The following FAM186B variants were observed in gnomAD, a reference collection of about 807,000 sequenced individuals.
The protein encoded by FAM186B is family with sequence similarity 186 member B.
Under a neutral mutation model 83.4 loss-of-function variants are expected in FAM186B, and 68 were observed. The ratio of observed to expected loss-of-function variants is 0.81; its 90% confidence interval spans 0.67 to 1.00. The LOEUF (loss-of-function observed/expected upper bound fraction) is 1.00. FAM186B is among the 50% of genes least tolerant of loss of function. FAM186B has a pLI of 0.00. For missense variants in FAM186B, 983 were observed against 1,099.2 expected (o/e 0.89, Z 1.49); for synonymous variants, 389 against 422.0 (o/e 0.92, Z 0.96).
intron 5 of FAM186B, among the ~76,000 whole-genome samples, chr12:49,596,298 C>T (rs566542160): frequency 2.5e-4 from 33 of 132,920 alleles, no homozygotes; most frequent in Admixed American, 2.2e-3. Flanking sequence ...AGACTAGCCT[C>T]GGCAATATAG....
the FAM186B span, among the ~76,000 whole-genome samples, chr12:49,620,126 G>T: frequency 6.6e-6 from 1 of 152,108 alleles, no homozygotes; most frequent in Non-Finnish European, 1.5e-5. Flanking sequence ...TACTAACTAG[G>T]TCATTCAGGG....
downstream of FAM186B, among the ~76,000 whole-genome samples, chr12:49,586,133 G>A (rs1939438468): frequency 6.6e-6 from 1 of 152,192 alleles, no homozygotes; most frequent in South Asian, 2.1e-4. Context: ...TTGAAAGCAG[G>A]AAGAAAATTG....
intron 3 of FAM186B, among the ~76,000 whole-genome samples, chr12:49,602,717 C>T (rs544267198): frequency 5.3e-5 from 8 of 152,132 alleles, no homozygotes; most frequent in African/African-American, 1.2e-4. Context: ...TGTATGAGTT[C>T]GATAATATCA....
chr12:49,600,606 T>C lies in FAM186B; in HGVS notation c.1034A>G (p.Glu345Gly), dbSNP rs760144535. The part of the protein sequence containing the change: ...SVDSPGPSER[E>G]TLPRKETVME... ...GACTGTTTCTTTCCTTGGGAGGGTC[T>C]CTCTCTCAGAGGGACCTGGGGAGTC... Residue 345 changes from glutamate (E) to glycine (G), a missense_variant, in exon 4 of 7, where the codon GAG becomes GGG. By Grantham distance (98) the Glu-to-Gly change is moderately conservative. Coordinates refer to ENST00000257894, the MANE Select transcript of FAM186B (RefSeq NM_032130.3). The surrounding 1 kb of genome is among the most constrained non-coding windows in gnomAD (Gnocchi z 4.3). 2 of 1,612,336 alleles carry C rather than the reference T, an allele frequency of 1.2e-6. No individual in the cohort carries two copies. The highest frequency in any genetic ancestry group is 1.7e-6 in the Non-Finnish European group (2 of 1,179,020).
intron 2 of FAM186B, 73 bp downstream of exon 2, chr12:49,604,240 C>T (rs1939959384): frequency 8.5e-7 from 1 of 1,175,656 alleles, no homozygotes; most frequent in African/African-American, 1.5e-5. Context: ...GGGGATGTGT[C>T]CTGTGCTGTC....
Position 49,599,911 on chromosome 12 carries a change from C to T in FAM186B, c.1729G>A (p.Val577Met), listed in dbSNP as rs371259662. 323 of 1,612,936 alleles carry T rather than the reference C, an allele frequency of 2.0e-4. No individual in the cohort carries two copies. The highest frequency in any genetic ancestry group is 2.5e-4 in the Non-Finnish European group (292 of 1,179,470). Residue 577 changes from valine (V) to methionine (M), a missense_variant, in exon 4 of 7, where the codon GTG becomes ATG. Coordinates refer to ENST00000257894, the MANE Select transcript of FAM186B (RefSeq NM_032130.3). The stretch of plus-strand genomic sequence containing the variant: ...GATTGGGTCCGGCTTGGGGCAGGCA[C>T]TAATGATAGCTCTGCCTTCTCCAAG... ...RDLEKAELSL[V>M]PAPSRTQSAH... is the part of the protein sequence containing the mutation.
chr12:49,620,256 C>A, the FAM186B span, among the ~76,000 whole-genome samples: 7 of 152,200 alleles, frequency 4.6e-5, no homozygotes, highest in African/African-American at 1.7e-4. Context: ...CTGAAGTACT[C>A]CTAGTTTGCT....
At chr12:49,621,363 C>A in the FAM186B span, among the ~76,000 whole-genome samples, 1 of 152,250 alleles carries the variant, frequency 6.6e-6, no homozygotes, top group Non-Finnish European at 1.5e-5. Context: ...AAGAGCGAGA[C>A]TCTGTCTCAA....
upstream of FAM186B, among the ~76,000 whole-genome samples, chr12:49,606,964 T>A (rs1477793148): frequency 6.6e-6 from 1 of 152,140 alleles, no homozygotes; most frequent in African/African-American, 2.4e-5. Flanking sequence ...AATCAATAAT[T>A]GAGAGATCTT....
chr12:49,622,608 G>A, the FAM186B span: 4 of 152,392 alleles, frequency 2.6e-5, no homozygotes, highest in Admixed American at 2.0e-4. Context: ...CAGCCCACAA[G>A]GGTGAATCCC....
At position 49,600,905 on chromosome 12, in the gene FAM186B, C is replaced by G; in HGVS notation, c.735G>C (p.Lys245Asn). 6.2e-7 allele frequency: 1 copy of G among 1,614,156 alleles called. No individual in the cohort carries two copies. The highest frequency in any genetic ancestry group is 8.5e-7 in the Non-Finnish European group (1 of 1,180,030). Residue 245 changes from lysine to asparagine, a missense_variant, in exon 4 of 7, where the codon AAG becomes AAC. By Grantham distance (94) the Lys-to-Asn change is moderately conservative. Coordinates refer to ENST00000257894, the MANE Select transcript of FAM186B (RefSeq NM_032130.3). The surrounding 1 kb of genome is among the most constrained non-coding windows in gnomAD (Gnocchi z 4.3). ...YMATVVENLN[K>N]ALILQHKENR... ...TCTCCTTGTGTTGGAGGATCAAGGC[C>G]TTGTTGAGGTTCTCCACCACAGTGG...
upstream of FAM186B, among the ~76,000 whole-genome samples, chr12:49,610,174 G>T (rs550702654): frequency 6.7e-6 from 1 of 149,976 alleles, no homozygotes; most frequent in African/African-American, 2.4e-5. Flanking sequence ...TATAGGGAAA[G>T]AAATAAAAAG....
chr12:49,597,262 G>A (rs1019602251), intron 5 of FAM186B, among the ~76,000 whole-genome samples: 2 of 152,186 alleles, frequency 1.3e-5, no homozygotes, highest in Non-Finnish European at 2.9e-5. Context: ...TGTATATACA[G>A]TGGAATATTA....
chr12:49,617,318 G>A, the FAM186B span, among the ~76,000 whole-genome samples: 1 of 152,232 alleles, frequency 6.6e-6, no homozygotes, highest in Non-Finnish European at 1.5e-5. Flanking sequence ...GCCAGGGCAG[G>A]CAGACGGCTC....
upstream of FAM186B, among the ~76,000 whole-genome samples, chr12:49,607,058 T>C (rs539080393): frequency 6.6e-6 from 1 of 152,262 alleles, no homozygotes; most frequent in East Asian, 1.9e-4. Flanking sequence ...GGGAAAGTTA[T>C]GAAATACTTT....
intron 5 of FAM186B, 44 bp downstream of exon 5, chr12:49,598,711 C>A (rs776229713): frequency 1.4e-5 from 22 of 1,566,698 alleles, no homozygotes; most frequent in Non-Finnish European, 1.9e-5. Context: ...GCTGTGCTGA[C>A]CCCAGGAGGC....
At chr12:49,612,535 G>GT in the FAM186B span, among the ~76,000 whole-genome samples, 265 of 137,066 alleles carry the variant, frequency 1.9e-3, no homozygotes, top group African/African-American at 4.0e-3. Flanking sequence ...TTTTATGTGT[G>GT]TTTTTTTTTT....
chr12:49,612,167 G>A, the FAM186B span, among the ~76,000 whole-genome samples: 1 of 152,090 alleles, frequency 6.6e-6, no homozygotes, highest in African/African-American at 2.4e-5. Flanking sequence ...AGTCTAAACG[G>A]CCCACTTAAA....
At chr12:49,606,486 G>GAT (rs755611822), upstream of FAM186B, among the ~76,000 whole-genome samples, 6 of 135,994 alleles carry the variant, frequency 4.4e-5, no homozygotes, top group African/African-American at 1.7e-4. Flanking sequence ...TAGATACCCT[G>GAT]ACACACACAC....
Sources: allele counts gnomAD v4.1 joint callset (sites outside exome capture counted in the v4.1 genomes callset), GRCh38; gene constraint gnomAD v4.1.1; non-coding constraint Gnocchi (gnomAD v3.1); transcripts MANE v1.5; gene names NCBI Gene and HGNC (gene_info 2026-07-23, HGNC 2026-07-21).